SMOC1: variants seen among roughly 807,000 people sequenced by gnomAD.
SMOC1 encodes SPARC related modular calcium binding 1, also known as SPARC-related modular calcium-binding protein 1.
A neutral mutation model predicts 56.3 loss-of-function variants in SMOC1; 22 were observed. The ratio of observed to expected loss-of-function variants is 0.39; its 90% CI spans 0.28 to 0.56. The LOEUF (loss-of-function observed/expected upper bound fraction) is 0.56. Among genes scored for constraint, SMOC1 ranks in the 20% least tolerant of loss-of-function variants. The probability of loss-of-function intolerance (pLI) is 0.61; values close to 1 mark genes in which losing one functional copy is unlikely to be tolerated. For synonymous variants in SMOC1, 193 were observed against 215.0 expected (o/e 0.90, Z 0.89); for missense variants, 509 against 565.4 (o/e 0.90, Z 1.01).
At chr14:69,947,140 T>G (rs1050760405) in intron 1 of SMOC1, among the ~76,000 whole-genome samples, 1 of 120,780 alleles carries the variant, frequency 8.3e-6, no homozygotes, top group Non-Finnish European at 1.8e-5. Context: ...CTCCCTCCCT[T>G]CCTTCTTCCT....
intron 1 of SMOC1, among the ~76,000 whole-genome samples, chr14:69,941,717 G>A (rs1233197641): frequency 6.6e-6 from 1 of 152,120 alleles, no homozygotes; most frequent in Non-Finnish European, 1.5e-5. Context: ...TGGCCCTAGG[G>A]GCTGATTTCT....
chr14:69,932,248 A>G (rs1316977852), intron 1 of SMOC1, among the ~76,000 whole-genome samples: 1 of 152,226 alleles, frequency 6.6e-6, no homozygotes. Context: ...CAGCCCCTGA[A>G]CAGGAACAGC....
intron 1 of SMOC1, among the ~76,000 whole-genome samples, chr14:69,941,892 C>T (rs1289572193): frequency 6.6e-6 from 1 of 152,164 alleles, no homozygotes; most frequent in Non-Finnish European, 1.5e-5. Flanking sequence ...TCTCCTGGAT[C>T]CTTTCAGTCT....
At chr14:69,981,536 T>C (rs1013952696) in intron 5 of SMOC1, among the ~76,000 whole-genome samples, 3 of 151,972 alleles carry the variant, frequency 2.0e-5, no homozygotes, top group African/African-American at 7.3e-5. Flanking sequence ...GTTGTGTGTG[T>C]GGGAGAGGGG....
chr14:69,996,587 G>A (rs928467514), intron 7 of SMOC1, among the ~76,000 whole-genome samples: 2 of 152,244 alleles, frequency 1.3e-5, no homozygotes, highest in African/African-American at 2.4e-5. Flanking sequence ...GGGTCATGTT[G>A]AGAAATGGAT....
At chr14:70,009,959 G>A (rs1172409024) in intron 7 of SMOC1, among the ~76,000 whole-genome samples, 1 of 152,220 alleles carries the variant, frequency 6.6e-6, no homozygotes, top group Non-Finnish European at 1.5e-5. Flanking sequence ...TCAGGTAAGT[G>A]GCTGTGCAGA....
chr14:69,964,380 CTT>C (rs57468516), intron 3 of SMOC1, among the ~76,000 whole-genome samples: 33 of 139,080 alleles, frequency 2.4e-4, no homozygotes, highest in South Asian at 2.3e-4. Context: ...CTCTGGTATT[CTT>C]TTTTTTTTTT....
intron 3 of SMOC1, among the ~76,000 whole-genome samples, chr14:69,959,270 A>C (rs546302530): frequency 6.6e-5 from 10 of 152,304 alleles, no homozygotes; most frequent in African/African-American, 2.2e-4. Flanking sequence ...GAATCCTAAA[A>C]ATTTGGAGAT....
At chr14:69,994,374 T>C in intron 6 of SMOC1, 26 bp from the exon 7 acceptor site, 1 of 1,588,904 alleles carries the variant, frequency 6.3e-7, no homozygotes, top group Non-Finnish European at 8.6e-7. Flanking sequence ...CCCAGACTTT[T>C]TCTCTCTCCT....
intron 1 of SMOC1, among the ~76,000 whole-genome samples, chr14:69,905,041 A>G (rs1884369461): frequency 6.6e-6 from 1 of 152,230 alleles, no homozygotes; most frequent in Non-Finnish European, 1.5e-5. Context: ...TTCTGATAGC[A>G]TTCCTTTCAA....
intron 1 of SMOC1, among the ~76,000 whole-genome samples, chr14:69,884,474 A>T (rs1040294093): frequency 6.6e-6 from 1 of 151,830 alleles, no homozygotes; most frequent in Non-Finnish European, 1.5e-5. Context: ...TCATTTGTCT[A>T]TTTTTGCTTT....
At chr14:70,011,771 C>T (rs982084200) in intron 9 of SMOC1, among the ~76,000 whole-genome samples, 2 of 152,192 alleles carry the variant, frequency 1.3e-5, no homozygotes, top group South Asian at 2.1e-4. Context: ...TGTGCCTCTT[C>T]GTCTTTATAA....
chr14:70,023,245 AGTGCACTG>A lies in SMOC1; in HGVS notation c.1092_1099del (p.His365PhefsTer8). On this transcript the variant is annotated frameshift_variant, in exon 11 of 12. Coordinates refer to ENST00000361956, the MANE Select transcript of SMOC1 (RefSeq NM_001034852.3). LOFTEE classifies it high-confidence loss of function. ...CCAGCCACACCCTGGAGGAGCGGGTAGTGCACTGGTATTTCAGCCAGCTGGACAGCAAT... is the reference window on the plus strand; with the variant it reads ...CCAGCCACACCCTGGAGGAGCGGGTAGTATTTCAGCCAGCTGGACAGCAAT... 4 of 1,610,988 alleles carry A rather than the reference AGTGCACTG, an allele frequency of 2.5e-6. No individual in the cohort carries two copies. The highest frequency in any genetic ancestry group is 3.4e-6 in the Non-Finnish European group (4 of 1,177,568).
At chr14:69,996,878 G>T (rs1795777152) in intron 7 of SMOC1, among the ~76,000 whole-genome samples, 1 of 152,184 alleles carries the variant, frequency 6.6e-6, no homozygotes, top group Non-Finnish European at 1.5e-5. Flanking sequence ...AATATATGGT[G>T]CCACAAAGGC....
chr14:69,886,602 G>T (rs1050007107), intron 1 of SMOC1, among the ~76,000 whole-genome samples: 1 of 152,188 alleles, frequency 6.6e-6, no homozygotes. Flanking sequence ...TGGCTTTATA[G>T]CTCCTCCCCA....
intron 11 of SMOC1, among the ~76,000 whole-genome samples, chr14:70,027,752 T>A (rs571359606): frequency 1.3e-5 from 2 of 152,286 alleles, no homozygotes; most frequent in South Asian, 4.2e-4. Context: ...AACGATTTGG[T>A]GAGGATGTAA....
chr14:69,889,315 C>G (rs1883897291), intron 1 of SMOC1, among the ~76,000 whole-genome samples: 1 of 152,192 alleles, frequency 6.6e-6, no homozygotes, highest in Non-Finnish European at 1.5e-5. Context: ...TCAAAAGGTT[C>G]AGATGTTACC....
intron 3 of SMOC1, among the ~76,000 whole-genome samples, chr14:69,956,610 T>C (rs117480057): frequency 0.021 from 3,224 of 152,220 alleles, 57 homozygotes; most frequent in Non-Finnish European, 0.033. Flanking sequence ...GGGGGAGTGA[T>C]GGCACTCTAA....
At chr14:70,022,479 C>A (rs573831395) in intron 10 of SMOC1, among the ~76,000 whole-genome samples, 78 of 152,320 alleles carry the variant, frequency 5.1e-4, no homozygotes, top group African/African-American at 1.9e-3. Flanking sequence ...CTGGGTCCAC[C>A]CCAGATCCCC....
Sources: gnomAD v4.1 joint callset for allele counts (sites outside exome capture counted in the v4.1 genomes callset) on GRCh38, gnomAD v4.1.1 for gene constraint, MANE v1.5 for transcripts, NCBI Gene and HGNC (gene_info 2026-07-23, HGNC 2026-07-21) for gene names.